EHBP1: variants seen among roughly 807,000 people sequenced by gnomAD.
EHBP1 encodes the protein EH domain binding protein 1.
EHBP1 carries 55 observed loss-of-function variants against 144.0 expected under a neutral mutation model. That is an observed-to-expected ratio of 0.38 (90% CI 0.31 to 0.48). The LOEUF is 0.48. Among genes scored for constraint, EHBP1 ranks in the 20% least tolerant of loss-of-function variants. EHBP1 has a pLI of 0.98. For missense variants in EHBP1, 1,200 were observed against 1,364.2 expected, an observed-to-expected ratio of 0.88 and a Z score of 1.90; for synonymous variants, 469 against 472.7, an observed-to-expected ratio of 0.99 and a Z score of 0.10.
At chr2:62,894,901 G>A (rs897402571) in intron 10 of EHBP1, among the ~76,000 whole-genome samples, 2 of 137,964 alleles carry the variant, frequency 1.4e-5, no homozygotes, top group Admixed American at 1.5e-4. Flanking sequence ...CTGGCTGACA[G>A]CAAGACCCTA....
At chr2:62,987,828 T>C (rs1559029897) in intron 15 of EHBP1, 1 of 599,778 alleles carries the variant, frequency 1.7e-6, no homozygotes, top group Non-Finnish European at 2.7e-6. Flanking sequence ...AGACCTGAAT[T>C]TGAATAACTA....
intron 10 of EHBP1, among the ~76,000 whole-genome samples, chr2:62,905,830 A>C (rs552388389): frequency 7.2e-5 from 11 of 152,300 alleles, no homozygotes; most frequent in Admixed American, 7.2e-4. Context: ...TCTCAAAAAA[A>C]AAATTAGTCA....
chr2:62,860,676 A>G (rs980762993), intron 8 of EHBP1, among the ~76,000 whole-genome samples: 2 of 152,188 alleles, frequency 1.3e-5, no homozygotes, highest in African/African-American at 4.8e-5. Context: ...TATACTACAT[A>G]CAATTAAGTA....
At chr2:62,970,356 A>G (rs1180025077) in intron 14 of EHBP1, among the ~76,000 whole-genome samples, 1 of 152,206 alleles carries the variant, frequency 6.6e-6, no homozygotes, top group Non-Finnish European at 1.5e-5. Context: ...AGACAAAACA[A>G]ATAAGCACAG....
chr2:62,923,932 A>G (rs7599037), intron 10 of EHBP1, among the ~76,000 whole-genome samples: 5,478 of 152,238 alleles, frequency 0.036, 345 homozygotes, highest in African/African-American at 0.12. Context: ...GGACACATCA[A>G]CAGGCCAACT....
chr2:62,735,632 T>C (rs1334512089), intron 2 of EHBP1, among the ~76,000 whole-genome samples: 1 of 152,236 alleles, frequency 6.6e-6, no homozygotes, highest in East Asian at 1.9e-4. Flanking sequence ...CTCTTCCTTA[T>C]GTAGATTCGA....
chr2:62,863,842 T>TTG (rs2049827949), intron 8 of EHBP1, among the ~76,000 whole-genome samples: 1 of 131,840 alleles, frequency 7.6e-6, no homozygotes, highest in Non-Finnish European at 1.6e-5. Context: ...TCTGTGTTGT[T>TTG]TTTTTTTTTT....
At chr2:62,887,044 C>T (rs904358355) in intron 10 of EHBP1, among the ~76,000 whole-genome samples, 1 of 152,124 alleles carries the variant, frequency 6.6e-6, no homozygotes, top group Non-Finnish European at 1.5e-5. Context: ...AGTGCTGATA[C>T]AGTAGTCTCA....
At chr2:62,690,969 T>C (rs1328924348) in intron 1 of EHBP1, among the ~76,000 whole-genome samples, 1 of 152,234 alleles carries the variant, frequency 6.6e-6, no homozygotes, top group Non-Finnish European at 1.5e-5. Flanking sequence ...AGATGTTTGC[T>C]ATTATTGGCA....
chr2:62,844,221 T>G (rs1002656531), intron 7 of EHBP1, among the ~76,000 whole-genome samples: 1 of 152,144 alleles, frequency 6.6e-6, no homozygotes, highest in African/African-American at 2.4e-5. Context: ...AATTACAGTC[T>G]TTGCTAGGAG....
intron 10 of EHBP1, 102 bp downstream of exon 10, chr2:62,874,634 A>T (rs577968015): frequency 4.0e-6 from 4 of 1,010,686 alleles, no homozygotes; most frequent in Non-Finnish European, 5.8e-6. Context: ...ATTTTTGATG[A>T]TTTAAAAATA....
chr2:62,707,406 A>C, intron 2 of EHBP1, 111 bp downstream of exon 2: 1 of 757,896 alleles, frequency 1.3e-6, no homozygotes, highest in Admixed American at 2.1e-5. Context: ...ACTAGTGTGT[A>C]GAAGCTGGGT....
chr2:62,988,118 A>C, intron 15 of EHBP1: 1 of 798,076 alleles, frequency 1.3e-6, no homozygotes, highest in Non-Finnish European at 2.0e-6. Flanking sequence ...CATCAATAAT[A>C]ATAATAATTT....
intron 15 of EHBP1, among the ~76,000 whole-genome samples, chr2:62,990,264 G>A (rs2059361325): frequency 6.6e-6 from 1 of 152,074 alleles, no homozygotes; most frequent in South Asian, 2.1e-4. Context: ...ATGATGATCT[G>A]AGATAATGTT....
intron 2 of EHBP1, among the ~76,000 whole-genome samples, chr2:62,715,505 C>T (rs1173859787): frequency 6.6e-6 from 1 of 151,382 alleles, no homozygotes; most frequent in Non-Finnish European, 1.5e-5. Context: ...TTTAAAGAGT[C>T]ATATGGCTAC....
chr2:62,685,912 C>G (rs556959930), intron 1 of EHBP1, among the ~76,000 whole-genome samples: 1 of 152,188 alleles, frequency 6.6e-6, no homozygotes, highest in South Asian at 2.1e-4. Context: ...TTTAGAGCAA[C>G]AAATTGAAGA....
At position 62,705,832 on chromosome 2, in the gene EHBP1, C is replaced by T. The variant is rs1226806614; in HGVS notation, c.-516C>T. Reference sequence around the variant, plus strand: ...GGCTTGGTAGGGTGGGGGACGGTCGCGGGGCGATCTGTCAGGGAGGGGGTG... The same window carrying T: ...GGCTTGGTAGGGTGGGGGACGGTCGTGGGGCGATCTGTCAGGGAGGGGGTG... On this transcript the variant is annotated 5_prime_UTR_variant, in exon 1 of 23. Transcript: ENST00000431489. 1.5e-4 allele frequency: 2 copies of T among 13,428 alleles called. No individual in the cohort carries two copies. Among genetic ancestry groups the T allele is most frequent in the Non-Finnish European group, 1.4e-4 (1 of 7,374 alleles). 0.8% of individuals were successfully genotyped at this position (13,428 alleles called of 1,614,324 possible). A position where few individuals can be genotyped will look rare whatever the true frequency, so the allele number is the denominator to read the frequency against.
At chr2:62,745,361 A>T (rs2039054365) in intron 2 of EHBP1, among the ~76,000 whole-genome samples, 1 of 148,556 alleles carries the variant, frequency 6.7e-6, no homozygotes, top group African/African-American at 2.5e-5. Flanking sequence ...CACAGGTGTA[A>T]TTAACTCTGA....
chr2:62,995,937 A>T (rs747910087), intron 18 of EHBP1, among the ~76,000 whole-genome samples: 1 of 152,096 alleles, frequency 6.6e-6, no homozygotes, highest in Non-Finnish European at 1.5e-5. Context: ...TGGAAGATTA[A>T]CCAAATCAAT....
Sources: gnomAD v4.1 joint callset for allele counts (sites outside exome capture counted in the v4.1 genomes callset) on GRCh38, gnomAD v4.1.1 for gene constraint, MANE v1.5 for transcripts, NCBI Gene and HGNC (gene_info 2026-07-23, HGNC 2026-07-21) for gene names.